ARID4A: variants seen among roughly 807,000 people sequenced by gnomAD.
ARID4A encodes the protein AT-rich interactive domain-containing protein 4A.
In ARID4A, 39 loss-of-function variants were observed where a neutral mutation model predicts 148.6. The ratio of observed to expected loss-of-function variants is 0.26; its 90% confidence interval spans 0.20 to 0.34. The LOEUF is 0.34. Among genes scored for constraint, ARID4A ranks in the 10% least tolerant of loss-of-function variants. The pLI, the probability that ARID4A is intolerant of heterozygous loss-of-function variation, is 1.00. For missense variants in ARID4A, 1,265 were observed against 1,449.1 expected (o/e 0.87, Z 2.06); for synonymous variants, 475 against 481.2 (o/e 0.99, Z 0.17).
intron 18 of ARID4A, among the ~76,000 whole-genome samples, chr14:58,359,959 G>C (rs367652848): frequency 6.6e-6 from 1 of 152,062 alleles, no homozygotes. Context: ...CCAGCTACTC[G>C]GGAGGCTGAG....
chr14:58,363,475 G>A (rs1057009658), intron 19 of ARID4A, among the ~76,000 whole-genome samples: 6 of 152,080 alleles, frequency 3.9e-5, no homozygotes, highest in Non-Finnish European at 5.9e-5. Flanking sequence ...TGAGGTGGGC[G>A]GATCACTTGA....
intron 5 of ARID4A, among the ~76,000 whole-genome samples, chr14:58,312,782 T>C (rs560824874): frequency 6.6e-6 from 1 of 152,328 alleles, no homozygotes; most frequent in Non-Finnish European, 1.5e-5. Flanking sequence ...CAGTTAACTT[T>C]CTGATTCTGT....
chr14:58,365,924 T>C (rs750547714), intron 21 of ARID4A, 100 bp from the exon 22 acceptor site: 8 of 1,094,622 alleles, frequency 7.3e-6, no homozygotes, highest in South Asian at 1.6e-5. Context: ...TGTGCACTTA[T>C]TTCTGTAGGA....
At chr14:58,369,698 C>T (rs907404156) in intron 23 of ARID4A, among the ~76,000 whole-genome samples, 3 of 151,314 alleles carry the variant, frequency 2.0e-5, no homozygotes, top group Admixed American at 6.6e-5. Flanking sequence ...AGAACAGCAT[C>T]AAGAGTCTTA....
intron 17 of ARID4A, among the ~76,000 whole-genome samples, chr14:58,356,787 C>T (rs755908681): frequency 2.0e-5 from 3 of 151,344 alleles, no homozygotes; most frequent in East Asian, 3.9e-4. Flanking sequence ...CTGCAACCTC[C>T]GCCTCCTGGG....
In ARID4A at chr14:58,316,023, G is replaced by A. The variant is rs116122135; in HGVS notation, c.275-2519G>A. Among the ~76,000 whole-genome samples the A allele has an allele frequency of 9.9e-3, 1,510 of 152,292 alleles. 27 individuals are homozygous for A. The highest frequency in any genetic ancestry group is 0.034 in the African/African-American group (1,409 of 41,556). ...ATTGAAGTAAATAAATATTTAACAT[G>A]TTGAAAGCTTTTATATAATTTTCTT... On this transcript the variant is annotated intron_variant, in intron 5 of 23. Transcript: ENST00000355431.
chr14:58,322,097 A>T (rs2032928812), intron 7 of ARID4A, among the ~76,000 whole-genome samples: 1 of 151,790 alleles, frequency 6.6e-6, no homozygotes, highest in South Asian at 2.1e-4. Context: ...CAGCCTCTCG[A>T]GTAGCCAGGA....
intron 8 of ARID4A, among the ~76,000 whole-genome samples, chr14:58,324,063 C>T (rs1291029525): frequency 1.6e-4 from 24 of 151,818 alleles, no homozygotes; most frequent in Admixed American, 1.6e-3. Flanking sequence ...TGCCACCACG[C>T]CTGGCTAATT....
Position 58,353,824 on chromosome 14 carries a change from T to C in ARID4A, c.1822T>C (p.Tyr608His), listed in dbSNP as rs1316395532. The C allele has an allele frequency of 1.9e-6, 3 of 1,613,854 alleles. No homozygotes were observed. The highest frequency in any genetic ancestry group is 1.7e-5 in the Admixed American group (1 of 60,022). Residue 608 changes from tyrosine to histidine, a missense_variant, in exon 17 of 24, where the codon TAT becomes CAT. Physicochemically the swap from Tyr to His is moderately conservative, Grantham distance 83. Transcript: ENST00000355431. ...TGAAATTGATGACGGAGAAGTTTTA[T>C]ATTTGGTACATTACTATGGATGGAA... ...STEIDDGEVLYLVHYYGWNVR... is the reference protein window; with the variant it reads ...STEIDDGEVLHLVHYYGWNVR...
intron 11 of ARID4A, among the ~76,000 whole-genome samples, chr14:58,340,003 C>T (rs539634774): frequency 5.9e-5 from 9 of 152,208 alleles, no homozygotes; most frequent in Admixed American, 2.6e-4. Context: ...GGTCCCTCCC[C>T]GAGTATTGGG....
At position 58,299,819 on chromosome 14, in the gene ARID4A, C is replaced by T. The variant is rs1229536637; in HGVS notation, c.-36C>T. 4.3e-6 allele frequency: 7 copies of T among 1,614,206 alleles called. No individual in the cohort carries two copies. The highest frequency in any genetic ancestry group is 1.7e-5 in the Admixed American group (1 of 60,030). On this transcript the variant is annotated 5_prime_UTR_variant, in exon 2 of 24. Coordinates refer to ENST00000355431, the MANE Select transcript of ARID4A (RefSeq NM_002892.4). Reference sequence around the variant, plus strand: ...ATAGTTCTAGCGACTGCGAAGATAGCTCGCTGAGCTGGAACCCCACAGATC... The same window carrying T: ...ATAGTTCTAGCGACTGCGAAGATAGTTCGCTGAGCTGGAACCCCACAGATC...
At chr14:58,367,444 G>A (rs1353917404) in intron 23 of ARID4A, among the ~76,000 whole-genome samples, 1 of 152,236 alleles carries the variant, frequency 6.6e-6, no homozygotes, top group Admixed American at 6.5e-5. Flanking sequence ...TAAAATATAA[G>A]ATAGTGCAGC....
chr14:58,303,244 CAAG>C (rs1408633051), intron 3 of ARID4A, among the ~76,000 whole-genome samples: 10 of 152,108 alleles, frequency 6.6e-5, no homozygotes, highest in Non-Finnish European at 1.2e-4. Context: ...GTGATTAAAT[CAAG>C]ATAATTTGCA....
intron 11 of ARID4A, among the ~76,000 whole-genome samples, chr14:58,335,045 T>G (rs2033739791): frequency 6.6e-6 from 1 of 152,152 alleles, no homozygotes; most frequent in South Asian, 2.1e-4. Flanking sequence ...TTCCCACAAC[T>G]AAAACAACTT....
At chr14:58,340,081 A>G (rs866554285) in intron 11 of ARID4A, among the ~76,000 whole-genome samples, 1 of 152,178 alleles carries the variant, frequency 6.6e-6, no homozygotes, top group Non-Finnish European at 1.5e-5. Context: ...CCATCCCACT[A>G]AAATGGTAGG....
chr14:58,359,842 G>A lies in ARID4A; in HGVS notation c.1938+626G>A, dbSNP rs1018372766. 8.6e-5 allele frequency among the ~76,000 whole-genome samples: 13 copies of A among 152,044 alleles called. No individual in the cohort carries two copies. In the East Asian group the frequency reaches 1.2e-3, roughly 14 times the overall value. On this transcript the variant is annotated intron_variant, in intron 18 of 23. Transcript: ENST00000355431. ...AGCACTTTGGGAGGCTGAGGCGGGC[G>A]GATCACGAGGTCAGGAGATCAAGAC...
intron 11 of ARID4A, among the ~76,000 whole-genome samples, chr14:58,338,393 T>C (rs1457515681): frequency 1.3e-5 from 2 of 152,182 alleles, no homozygotes; most frequent in Non-Finnish European, 2.9e-5. Flanking sequence ...AGTCCTCCAG[T>C]CCAGACATGT....
intron 10 of ARID4A, 63 bp downstream of exon 10, chr14:58,329,667 A>C (rs1239146035): frequency 1.5e-6 from 2 of 1,327,180 alleles, no homozygotes; most frequent in African/African-American, 2.9e-5. Context: ...AATAGCAAAT[A>C]AAGCAAGACT....
chr14:58,328,419 T>C, intron 9 of ARID4A, 103 bp downstream of exon 9: 4 of 768,992 alleles, frequency 5.2e-6, no homozygotes, highest in Non-Finnish European at 6.3e-6. Flanking sequence ...AAAAGTCTAA[T>C]CATTCATGAA....
Sources: allele counts gnomAD v4.1 joint callset (sites outside exome capture counted in the v4.1 genomes callset), GRCh38; gene constraint gnomAD v4.1.1; transcripts MANE v1.5; gene names NCBI Gene and HGNC (gene_info 2026-07-23, HGNC 2026-07-21).